The following TNS3 variants were observed in gnomAD, a reference collection of about 807,000 sequenced individuals.
TNS3 encodes the protein tensin-3.
A neutral mutation model predicts 140.9 loss-of-function variants in TNS3; 45 were observed. The observed-to-expected ratio is 0.32, with a 90% CI of 0.25 to 0.41. TNS3 has a LOEUF of 0.41. Ranked by LOEUF, TNS3 falls within the 10% of genes least tolerant of loss-of-function variation. The pLI is 1.00. For missense variants in TNS3, 1,716 were observed against 1,906.7 expected (o/e 0.90, Z 1.86); for synonymous variants, 815 against 788.4 (o/e 1.03, Z -0.56).
At chr7:47,484,027 C>T (rs1273318966) in intron 3 of TNS3, among the ~76,000 whole-genome samples, 2 of 152,222 alleles carry the variant, frequency 1.3e-5, no homozygotes, top group Non-Finnish European at 2.9e-5. Flanking sequence ...AGGGGGCGAG[C>T]AGCCCCCAGG....
rs372731769 is a variant in TNS3, at chr7:47,445,549, A to G, written c.-75-3494T>C. Among the ~76,000 whole-genome samples the G allele has an allele frequency of 1.7e-4, 26 of 152,278 alleles. 1 individual carries two copies. Among genetic ancestry groups the G allele is most frequent in the African/African-American group, 6.0e-4 (25 of 41,550 alleles). On this transcript the variant is annotated intron_variant, in intron 4 of 30. Coordinates refer to ENST00000311160, the MANE Select transcript of TNS3 (RefSeq NM_022748.12). Reference sequence around the variant, plus strand: ...TCACATGAACATCAGTGAGGATAAAAGACTCTTGCTTGGGGGAGCTGTTCT... The same window carrying G: ...TCACATGAACATCAGTGAGGATAAAGGACTCTTGCTTGGGGGAGCTGTTCT...
At chr7:47,426,642 G>C (rs1395897707) in intron 9 of TNS3, among the ~76,000 whole-genome samples, 1 of 152,176 alleles carries the variant, frequency 6.6e-6, no homozygotes, top group East Asian at 1.9e-4. Flanking sequence ...GAGGCTTAGA[G>C]AGATTCAGGT....
intron 2 of TNS3, among the ~76,000 whole-genome samples, chr7:47,528,712 A>G (rs1799288472): frequency 6.6e-6 from 1 of 152,358 alleles, no homozygotes; most frequent in Non-Finnish European, 1.5e-5. Flanking sequence ...AAACTTGAGT[A>G]ACAGATCTGA....
chr7:47,420,032 C>T (rs111963548), intron 10 of TNS3, among the ~76,000 whole-genome samples: 2 of 152,152 alleles, frequency 1.3e-5, no homozygotes, highest in African/African-American at 2.4e-5. Flanking sequence ...CTTGGTAAAT[C>T]GGCTATATCT....
At chr7:47,458,435 T>A (rs1562767716) in intron 4 of TNS3, among the ~76,000 whole-genome samples, 1 of 152,286 alleles carries the variant, frequency 6.6e-6, no homozygotes, top group Non-Finnish European at 1.5e-5. Flanking sequence ...TTAGAACAGC[T>A]GTGCCTCCTG....
intron 16 of TNS3, among the ~76,000 whole-genome samples, chr7:47,377,481 G>C (rs1791467174): frequency 1.3e-5 from 2 of 152,304 alleles, no homozygotes; most frequent in South Asian, 4.1e-4. Context: ...GATGGTTTGG[G>C]CAATAGAAAT....
chr7:47,346,137 G>A (rs1188562291), intron 18 of TNS3, 50 bp downstream of exon 18: 2 of 1,599,792 alleles, frequency 1.3e-6, no homozygotes, highest in Non-Finnish European at 8.5e-7. Flanking sequence ...TCCAGGACAA[G>A]AAAGGGAGTG....
At chr7:47,510,401 C>T (rs1353078042) in intron 2 of TNS3, among the ~76,000 whole-genome samples, 1 of 152,182 alleles carries the variant, frequency 6.6e-6, no homozygotes, top group South Asian at 2.1e-4. Flanking sequence ...GTTGTGTGAG[C>T]TGGCAGCTAA....
chr7:47,446,114 T>C (rs1795716415), intron 4 of TNS3, among the ~76,000 whole-genome samples: 1 of 152,108 alleles, frequency 6.6e-6, no homozygotes, highest in African/African-American at 2.4e-5. Flanking sequence ...GTTTTTTTCT[T>C]TTGTTTTGTT....
In TNS3 at chr7:47,424,010, C is replaced by T. The variant is rs1440705146; in HGVS notation, c.473+91G>A. 8.7e-6 allele frequency: 11 copies of T among 1,268,374 alleles called. No homozygotes were observed. In the African/African-American group the frequency reaches 1.0e-4, roughly 12 times the overall value. The allele number at this position is 1,268,374 out of a possible 1,614,324, so 78.6% of individuals were successfully genotyped here. ...CCAAGAATACTATTCATTTAGGTGT[C>T]GGGACAGAGGAGATGCCTCTTCTGT... is the stretch of plus-strand genomic sequence containing the variant. On this transcript the variant is annotated intron_variant, in intron 10 of 30. Coordinates refer to ENST00000311160, the MANE Select transcript of TNS3 (RefSeq NM_022748.12).
intron 4 of TNS3, among the ~76,000 whole-genome samples, chr7:47,456,231 A>G (rs1165024832): frequency 6.6e-6 from 1 of 152,188 alleles, no homozygotes; most frequent in South Asian, 2.1e-4. Context: ...GAGTGGCTCC[A>G]GCAGGCTCCA....
intron 1 of TNS3, among the ~76,000 whole-genome samples, chr7:47,550,076 C>T (rs909636751): frequency 7.0e-6 from 1 of 143,258 alleles, no homozygotes; most frequent in Non-Finnish European, 1.5e-5. Context: ...ACACTGAGGT[C>T]TCCCCTGCGA....
chr7:47,301,851 TCTC>T (rs1786419900), intron 23 of TNS3, among the ~76,000 whole-genome samples: 2 of 152,242 alleles, frequency 1.3e-5, no homozygotes, highest in Admixed American at 1.3e-4. Context: ...GGAGAGTGTG[TCTC>T]CTCCTCACAG....
chr7:47,475,401 G>A (rs778370907), intron 4 of TNS3, among the ~76,000 whole-genome samples: 1 of 152,238 alleles, frequency 6.6e-6, no homozygotes, highest in African/African-American at 2.4e-5. Flanking sequence ...CAGCTGGTGC[G>A]GGCTCGGGAC....
intron 13 of TNS3, 79 bp downstream of exon 13, chr7:47,411,648 A>G: frequency 6.9e-7 from 1 of 1,454,432 alleles, no homozygotes; most frequent in South Asian, 1.2e-5. Context: ...TACTGTTTTA[A>G]CACAGAATCA....
chr7:47,296,836 C>T lies in TNS3; in HGVS notation c.3676+246G>A, dbSNP rs2293363. 1.1e-3 allele frequency among the ~76,000 whole-genome samples: 173 copies of T among 152,148 alleles called. 3 individuals carry two copies. In the East Asian group the frequency reaches 0.02, roughly 18 times the overall value. On this transcript the variant is annotated intron_variant, in intron 24 of 30. Transcript: ENST00000311160. ...AACGGGCTTAGTGGATGCCTTATCCCATGGTTCTAATTTTTGAACAATGAA... is the reference window on the plus strand; with the variant it reads ...AACGGGCTTAGTGGATGCCTTATCCTATGGTTCTAATTTTTGAACAATGAA...
At chr7:47,499,792 T>G (rs531878551) in intron 3 of TNS3, among the ~76,000 whole-genome samples, 56 of 152,262 alleles carry the variant, frequency 3.7e-4, no homozygotes, top group African/African-American at 1.3e-3. Context: ...TCACTTATCA[T>G]GCACCTGTCC....
chr7:47,315,097 T>C (rs1479271956), intron 20 of TNS3, among the ~76,000 whole-genome samples: 2 of 152,366 alleles, frequency 1.3e-5, no homozygotes, highest in Admixed American at 6.5e-5. Context: ...AGCACAGCCC[T>C]GCCAGCCACA....
chr7:47,435,683 G>A (rs979169943), intron 7 of TNS3, among the ~76,000 whole-genome samples: 12 of 152,166 alleles, frequency 7.9e-5, no homozygotes, highest in Non-Finnish European at 1.8e-4. Context: ...GTTGCTGATG[G>A]TGCAGGTTGT....
Sources: gnomAD v4.1 joint callset for allele counts (sites outside exome capture counted in the v4.1 genomes callset) on GRCh38, gnomAD v4.1.1 for gene constraint, MANE v1.5 for transcripts, NCBI Gene and HGNC (gene_info 2026-07-23, HGNC 2026-07-21) for gene names.